Variants in TAB3 observed in about 807,000 individuals in gnomAD.
TAB3 encodes TGF-beta activated kinase 1 (MAP3K7) binding protein 3, also known as TGF-beta-activated kinase 1 and MAP3K7-binding protein 3.
A neutral mutation model predicts 48.1 loss-of-function variants in TAB3; 18 were observed. That is an observed-to-expected ratio of 0.37 (90% CI 0.26 to 0.55). TAB3 has a LOEUF of 0.55. TAB3 is among the 20% of genes least tolerant of loss of function. The pLI is 0.78. For missense variants in TAB3, 414 were observed against 549.8 expected (o/e 0.75, Z 2.47); for synonymous variants, 185 against 190.2 (o/e 0.97, Z 0.22).
chrX:30,838,162 A>C (rs1163062910), intron 9 of TAB3, among the ~76,000 whole-genome samples: 1 of 111,255 alleles, frequency 9.0e-6, no homozygotes, highest in African/African-American at 3.3e-5. Flanking sequence ...TAGTGCTGCA[A>C]TCACGGCTCA....
intron 9 of TAB3, among the ~76,000 whole-genome samples, chrX:30,842,040 C>T (rs1938465717): frequency 8.9e-6 from 1 of 112,332 alleles, no homozygotes; most frequent in Non-Finnish European, 1.9e-5. Context: ...AACTCCTGGC[C>T]TCATGTGATC....
intron 10 of TAB3, 48 bp downstream of exon 10, chrX:30,834,003 A>T: frequency 9.2e-7 from 1 of 1,083,311 alleles, no homozygotes; most frequent in East Asian, 3.0e-5. Flanking sequence ...ATGGATTAAC[A>T]TGTGTCTTTG....
chrX:30,885,516 A>T (rs191419510), intron 1 of TAB3, among the ~76,000 whole-genome samples: 35 of 111,815 alleles, frequency 3.1e-4, no homozygotes, highest in African/African-American at 8.4e-4. Flanking sequence ...GGCTTCCACT[A>T]TGAAGGAGGG....
Position 30,868,368 on chromosome X carries a change from T to TATATATATATATATATA in TAB3, c.-279-820_-279-819insTATATATATATATATAT, listed in dbSNP as rs755452674. On this transcript the variant is annotated intron_variant, in intron 2 of 10. Transcript: ENST00000288422. The stretch of plus-strand genomic sequence containing the variant: ...TATATATAGCTTATATATATATATA[T>TATATATATATATATATA]AGCTTATATATATATAGCTTATATA... Among the ~76,000 whole-genome samples, 7 of 4,948 alleles carry TATATATATATATATATA rather than the reference T, an allele frequency of 1.4e-3. 2 individuals are homozygous for TATATATATATATATATA. Among genetic ancestry groups the TATATATATATATATATA allele is most frequent in the Admixed American group, 2.3e-3 (1 of 430 alleles). 4.3% of individuals were successfully genotyped at this position (4,948 alleles called of 115,157 possible).
intron 7 of TAB3, among the ~76,000 whole-genome samples, chrX:30,849,915 T>C (rs1344008202): frequency 8.9e-6 from 1 of 112,597 alleles, no homozygotes; most frequent in Non-Finnish European, 1.9e-5. Flanking sequence ...TGTCTAGTAT[T>C]TTGCAACCAA....
At chrX:30,880,799 C>T (rs1007098290) in intron 1 of TAB3, among the ~76,000 whole-genome samples, 4 of 111,442 alleles carry the variant, frequency 3.6e-5, no homozygotes, top group South Asian at 3.7e-4. Flanking sequence ...ACATTCTCCC[C>T]GAGATTTAGA....
chrX:30,839,629 T>TA (rs1331184278), intron 9 of TAB3, among the ~76,000 whole-genome samples: 1 of 110,218 alleles, frequency 9.1e-6, no homozygotes, highest in Non-Finnish European at 1.9e-5. Flanking sequence ...CATCAATTGT[T>TA]ACAAACGTAC....
At chrX:30,840,873 C>T (rs1469785625) in intron 9 of TAB3, among the ~76,000 whole-genome samples, 1 of 111,889 alleles carries the variant, frequency 8.9e-6, no homozygotes, top group Non-Finnish European at 1.9e-5. Flanking sequence ...CCAATGCACT[C>T]CCTTAGACAG....
At chrX:30,840,181 T>G (rs1023188079) in intron 9 of TAB3, among the ~76,000 whole-genome samples, 2 of 109,829 alleles carry the variant, frequency 1.8e-5, no homozygotes, top group African/African-American at 6.6e-5. Context: ...ACCTTGAAGT[T>G]TATTGATTTT....
intron 1 of TAB3, among the ~76,000 whole-genome samples, chrX:30,881,449 AC>A (rs1939996760): frequency 9.0e-6 from 1 of 111,607 alleles, no homozygotes; most frequent in South Asian, 3.7e-4. Flanking sequence ...AGGGTAAAGC[AC>A]AAAAATCAGA....
chrX:30,868,483 ATATATATATATAGCT>A (rs1939529051), intron 2 of TAB3, among the ~76,000 whole-genome samples: 5 of 21,477 alleles, frequency 2.3e-4, no homozygotes, highest in African/African-American at 9.7e-4. Context: ...TATATAGCTT[ATATATATATATAGCT>A]TATATATATA....
At chrX:30,857,490 C>T (rs1473467348) in intron 5 of TAB3, among the ~76,000 whole-genome samples, 1 of 109,790 alleles carries the variant, frequency 9.1e-6, no homozygotes, top group African/African-American at 3.3e-5. Flanking sequence ...TAGAGAGTTT[C>T]GTTTGAAACA....
At chrX:30,877,081 G>A (rs1012258353) in intron 1 of TAB3, among the ~76,000 whole-genome samples, 4 of 111,970 alleles carry the variant, frequency 3.6e-5, no homozygotes, top group African/African-American at 1.3e-4. Context: ...AAAGCATCCT[G>A]ATGGAGGGGC....
chrX:30,859,808 C>T, intron 4 of TAB3, 130 bp from the exon 5 acceptor site: 1 of 394,479 alleles, frequency 2.5e-6, no homozygotes, highest in South Asian at 5.5e-5. Context: ...CCTTCTTAGT[C>T]CTGCTGCCTT....
intron 4 of TAB3, among the ~76,000 whole-genome samples, chrX:30,866,521 A>G (rs1939408246): frequency 9.0e-6 from 1 of 111,079 alleles, no homozygotes; most frequent in African/African-American, 3.3e-5. Context: ...GTACTAAAAA[A>G]TCAAAATCCC....
intron 3 of TAB3, 92 bp downstream of exon 3, chrX:30,867,373 T>C (rs1187720058): frequency 1.8e-5 from 2 of 111,843 alleles, no homozygotes; most frequent in Non-Finnish European, 3.8e-5. Flanking sequence ...GTGCAGGGTA[T>C]ATGGGGACTC....
chrX:30,888,960 G>T (rs1310116738), intron 1 of TAB3, among the ~76,000 whole-genome samples, 154 bp downstream of exon 1: 1 of 113,161 alleles, frequency 8.8e-6, no homozygotes, highest in East Asian at 2.8e-4. Flanking sequence ...CGCAGTTCCC[G>T]CTGTCAGCCG....
At chrX:30,870,017 ATATTT>A (rs763135028) in intron 2 of TAB3, among the ~76,000 whole-genome samples, 15 of 112,602 alleles carry the variant, frequency 1.3e-4, no homozygotes, top group African/African-American at 4.2e-4. Flanking sequence ...ATATGGTGAT[ATATTT>A]TAAGTTATAC....
At chrX:30,857,439 T>G (rs59045957) in intron 5 of TAB3, among the ~76,000 whole-genome samples, 1,474 of 107,750 alleles carry the variant, frequency 0.014, 16 homozygotes, top group African/African-American at 0.047. Flanking sequence ...AAAGTATTCT[T>G]TTTTTTTTTA....
Sources: gnomAD v4.1 joint callset for allele counts (sites outside exome capture counted in the v4.1 genomes callset) on GRCh38, gnomAD v4.1.1 for gene constraint, MANE v1.5 for transcripts, NCBI Gene and HGNC (gene_info 2026-07-23, HGNC 2026-07-21) for gene names.